Variants in PHF2 observed in about 807,000 individuals in gnomAD.
PHF2 encodes the protein lysine-specific demethylase PHF2.
In PHF2, 27 loss-of-function variants were observed where a neutral mutation model predicts 120.5. The observed-to-expected ratio is 0.22, with a 90% CI of 0.17 to 0.31. The LOEUF (loss-of-function observed/expected upper bound fraction) is 0.31, where lower values mean the gene tolerates loss of function less well. PHF2 is among the 10% of genes least tolerant of loss of function. PHF2 has a pLI of 1.00. For missense variants in PHF2, 1,024 were observed against 1,434.8 expected, an observed-to-expected ratio of 0.71 and a Z score of 4.63; for synonymous variants, 568 against 592.5, an observed-to-expected ratio of 0.96 and a Z score of 0.60.
intron 1 of PHF2, among the ~76,000 whole-genome samples, chr9:93,618,768 C>G (rs1187851137): frequency 6.8e-6 from 1 of 147,550 alleles, no homozygotes. Flanking sequence ...GTTTGTGTGT[C>G]TGCATGTGTT....
chr9:93,616,646 C>T (rs1470300635), intron 1 of PHF2, among the ~76,000 whole-genome samples: 1 of 135,794 alleles, frequency 7.4e-6, no homozygotes, highest in Non-Finnish European at 1.6e-5. Flanking sequence ...GATGTTTCTC[C>T]TATAATTTTT....
At chr9:93,659,442 A>G in intron 10 of PHF2, 69 bp from the exon 11 acceptor site, 1 of 1,315,262 alleles carries the variant, frequency 7.6e-7, no homozygotes, top group Non-Finnish European at 1.1e-6. Flanking sequence ...GACAGCCTGC[A>G]AGAATGCAGG....
chr9:93,635,242 G>A (rs998312881), intron 2 of PHF2, among the ~76,000 whole-genome samples: 2 of 152,064 alleles, frequency 1.3e-5, no homozygotes, highest in Non-Finnish European at 2.9e-5. Context: ...TCTCCTTCGT[G>A]TTGGTAGCAG....
intron 1 of PHF2, among the ~76,000 whole-genome samples, chr9:93,626,741 T>C (rs544387548): frequency 6.6e-6 from 1 of 152,378 alleles, no homozygotes; most frequent in South Asian, 2.1e-4. Context: ...AATCCATTTC[T>C]AGTTAATTTT....
At chr9:93,660,674 C>G in intron 12 of PHF2, 114 bp downstream of exon 12, 3 of 1,033,854 alleles carry the variant, frequency 2.9e-6, no homozygotes, top group Non-Finnish European at 4.0e-6. Flanking sequence ...CCCAGGGGCC[C>G]CTGAGAAGAT....
chr9:93,637,441 C>T (rs974824676), intron 3 of PHF2, among the ~76,000 whole-genome samples: 6 of 152,156 alleles, frequency 3.9e-5, no homozygotes, highest in Non-Finnish European at 7.3e-5. Flanking sequence ...AATCCCATAA[C>T]CTTTATACAT....
intron 1 of PHF2, among the ~76,000 whole-genome samples, chr9:93,627,492 A>ATGTTTTTTTTTTTTTTTTTT (rs1825931883): frequency 9.2e-6 from 1 of 108,176 alleles, no homozygotes; most frequent in African/African-American, 3.8e-5. Flanking sequence ...TTATTTCAGG[A>ATGTTTTTTTTTTTTTTTTTT]TTTTTTTTTT....
intron 1 of PHF2, among the ~76,000 whole-genome samples, chr9:93,613,822 C>T (rs1019904659): frequency 6.6e-6 from 1 of 152,134 alleles, no homozygotes. Context: ...AAGGATACCA[C>T]CTCAGCATCC....
chr9:93,647,262 G>A (rs1240849869), intron 4 of PHF2, among the ~76,000 whole-genome samples: 1 of 152,150 alleles, frequency 6.6e-6, no homozygotes, highest in Non-Finnish European at 1.5e-5. Context: ...CCACGTAGGA[G>A]CTAATTTCCT....
intron 2 of PHF2, 135 bp from the exon 3 acceptor site, chr9:93,636,276 C>T (rs1463384126): frequency 1.5e-6 from 1 of 668,216 alleles, no homozygotes. Flanking sequence ...TGTCATCAGT[C>T]TTGAGAGGTG....
chr9:93,584,108 A>G (rs747539232), intron 1 of PHF2, among the ~76,000 whole-genome samples: 1 of 152,224 alleles, frequency 6.6e-6, no homozygotes, highest in Admixed American at 6.5e-5. Flanking sequence ...GATTATAGGC[A>G]TGAGCTACTG....
In PHF2 at chr9:93,677,535, C is replaced by G; in HGVS notation, c.3203-53C>G. ...CTCCCCCCCACCGGCATGCCACGCC[C>G]CTTGCCATCTAGCTTACCTTCCCTT... On this transcript the variant is annotated intron_variant, in intron 21 of 21. Transcript: ENST00000359246. The surrounding 1 kb of genome is among the most constrained non-coding windows in gnomAD (Gnocchi z 4.4). 7.1e-7 allele frequency: 1 copy of G among 1,409,742 alleles called. No individual in the cohort carries two copies. The allele number at this position is 1,409,742 out of a possible 1,614,324, so 87.3% of individuals were successfully genotyped here.
intron 3 of PHF2, among the ~76,000 whole-genome samples, chr9:93,637,667 C>T (rs1390728313): frequency 6.6e-6 from 1 of 152,250 alleles, no homozygotes; most frequent in East Asian, 1.9e-4. Flanking sequence ...TAGATATCCA[C>T]ATAGGTACTC....
At chr9:93,619,553 G>A (rs1262476143) in intron 1 of PHF2, among the ~76,000 whole-genome samples, 2 of 152,074 alleles carry the variant, frequency 1.3e-5, no homozygotes, top group African/African-American at 4.8e-5. Flanking sequence ...TGTGCTCCAC[G>A]CCTGCTGGTA....
At chr9:93,606,335 C>T (rs930178337) in intron 1 of PHF2, among the ~76,000 whole-genome samples, 18 of 152,164 alleles carry the variant, frequency 1.2e-4, no homozygotes, top group Admixed American at 3.9e-4. Flanking sequence ...TGCATCCCCA[C>T]CAGCAATGAA....
intron 1 of PHF2, among the ~76,000 whole-genome samples, chr9:93,588,296 G>A (rs942811139): frequency 4.6e-5 from 7 of 152,338 alleles, no homozygotes; most frequent in East Asian, 1.9e-4. Context: ...GCCTGGTGGC[G>A]TTGTGTTGGG....
chr9:93,604,266 G>A (rs1260729185), intron 1 of PHF2, among the ~76,000 whole-genome samples: 1 of 152,138 alleles, frequency 6.6e-6, no homozygotes, highest in Non-Finnish European at 1.5e-5. Context: ...CCTGGGTGTG[G>A]GAGGAGCCCT....
At chr9:93,664,345 G>A (rs1255049933) in intron 14 of PHF2, among the ~76,000 whole-genome samples, 1 of 152,044 alleles carries the variant, frequency 6.6e-6, no homozygotes, top group Non-Finnish European at 1.5e-5. Context: ...GCGGAGGGCT[G>A]TGAGCCCGGT....
Position 93,656,676 on chromosome 9 carries a change from C to A in PHF2, c.1147+81C>A. The A allele has an allele frequency of 2.1e-6, 2 of 965,372 alleles. No individual in the cohort carries two copies. The highest frequency in any genetic ancestry group is 3.3e-6 in the Non-Finnish European group (2 of 612,038). The allele number at this position is 965,372 out of a possible 1,614,324, so 59.8% of individuals were successfully genotyped here. On this transcript the variant is annotated intron_variant, in intron 9 of 21. Transcript: ENST00000359246. This position sits in a 1 kb window ranked among gnomAD's most constrained non-coding sequence, Gnocchi z 4.1. ...GCCAGACCTGGTCAGGGCTGACTGT[C>A]TGGGTGTGAGTGCCGCCTTCCTGTG...
Sources: allele counts gnomAD v4.1 joint callset (sites outside exome capture counted in the v4.1 genomes callset), GRCh38; gene constraint gnomAD v4.1.1; non-coding constraint Gnocchi (gnomAD v3.1); transcripts MANE v1.5; gene names NCBI Gene and HGNC (gene_info 2026-07-23, HGNC 2026-07-21).